The following LSAMP variants were observed in gnomAD, a reference collection of about 807,000 sequenced individuals.
LSAMP encodes the protein limbic system associated membrane protein.
In LSAMP, 7 loss-of-function variants were observed where a neutral mutation model predicts 38.6. The ratio of observed to expected loss-of-function variants is 0.18; its 90% CI spans 0.10 to 0.34. LSAMP has a LOEUF of 0.34. Among genes scored for constraint, LSAMP ranks in the 10% least tolerant of loss-of-function variants. The probability of loss-of-function intolerance (pLI) is 1.00; values close to 1 mark genes in which losing one functional copy is unlikely to be tolerated. For missense variants in LSAMP, 313 were observed against 420.0 expected (o/e 0.75, Z 2.23); for synonymous variants, 154 against 166.8 (o/e 0.92, Z 0.59).
intron 1 of LSAMP, among the ~76,000 whole-genome samples, chr3:116,183,610 T>C (rs1429318375): frequency 6.6e-6 from 1 of 151,838 alleles, no homozygotes; most frequent in African/African-American, 2.4e-5. Context: ...ATAATGGTAG[T>C]ATTTACCTAA....
intron 6 of LSAMP, among the ~76,000 whole-genome samples, chr3:115,812,705 A>G (rs1364816414): frequency 6.6e-6 from 1 of 152,236 alleles, no homozygotes; most frequent in Non-Finnish European, 1.5e-5. Context: ...GGTTAGGCAG[A>G]AAATACTTGT....
intron 1 of LSAMP, among the ~76,000 whole-genome samples, chr3:116,197,250 T>A (rs1200531317): frequency 6.6e-6 from 1 of 152,108 alleles, no homozygotes; most frequent in Non-Finnish European, 1.5e-5. Context: ...CCAGAATAAG[T>A]TTAGGAGAGA....
At chr3:116,130,538 A>G (rs1704375752) in intron 1 of LSAMP, among the ~76,000 whole-genome samples, 1 of 152,184 alleles carries the variant, frequency 6.6e-6, no homozygotes, top group Admixed American at 6.5e-5. Flanking sequence ...CAGATCTGCA[A>G]TGAGAGATAC....
At chr3:115,849,715 AT>A (rs1191422059) in intron 4 of LSAMP, among the ~76,000 whole-genome samples, 1 of 152,214 alleles carries the variant, frequency 6.6e-6, no homozygotes, top group Non-Finnish European at 1.5e-5. Flanking sequence ...TGGTTCCATA[AT>A]TCAATCTGAG....
chr3:116,260,932 G>GGGAAA, intron 1 of LSAMP, among the ~76,000 whole-genome samples: 1 of 152,136 alleles, frequency 6.6e-6, no homozygotes. Context: ...AGCATCACCT[G>GGGAAA]GGAAAGGATG....
Position 116,074,844 on chromosome 3 carries a change from C to CTTTTTTTTTTTTTTTTT in LSAMP, c.388+11463_388+11479dup, listed in dbSNP as rs1161460100. On this transcript the variant is annotated intron_variant, in intron 2 of 6. Coordinates refer to ENST00000490035, the MANE Select transcript of LSAMP (RefSeq NM_002338.5). ...AAAGTTTAGTCATATTTTCTTTATTCTTTTTTTTTTTTTTTTTGAGATGAG... is the reference window on the plus strand; with the variant it reads ...AAAGTTTAGTCATATTTTCTTTATTCTTTTTTTTTTTTTTTTTTTTTTTTTTTTTTTTTTGAGATGAG... Among the ~76,000 whole-genome samples, 54 of 128,360 alleles carry CTTTTTTTTTTTTTTTTT rather than the reference C, an allele frequency of 4.2e-4. 1 individual carries two copies. Among genetic ancestry groups the CTTTTTTTTTTTTTTTTT allele is most frequent in the African/African-American group, 1.6e-3 (53 of 32,348 alleles). The allele number at this position is 128,360 out of a possible 152,430, so 84.2% of individuals were successfully genotyped here.
At chr3:115,929,513 C>T (rs981173908) in intron 3 of LSAMP, among the ~76,000 whole-genome samples, 1 of 152,032 alleles carries the variant, frequency 6.6e-6, no homozygotes. Flanking sequence ...AGACAAAAAA[C>T]TTTCTTGATC....
chr3:116,406,337 T>C (rs1277015954), intron 1 of LSAMP, among the ~76,000 whole-genome samples: 1 of 152,116 alleles, frequency 6.6e-6, no homozygotes, highest in East Asian at 1.9e-4. Context: ...TTAAAGTTTA[T>C]ACTACCCAGT....
At chr3:115,873,260 C>T (rs944370091) in intron 3 of LSAMP, among the ~76,000 whole-genome samples, 2 of 151,728 alleles carry the variant, frequency 1.3e-5, no homozygotes, top group Non-Finnish European at 1.5e-5. Flanking sequence ...ATCCCAGCTA[C>T]TCAGGAGGCT....
At chr3:115,867,317 G>A (rs186703792) in intron 3 of LSAMP, among the ~76,000 whole-genome samples, 2 of 151,918 alleles carry the variant, frequency 1.3e-5, no homozygotes, top group African/African-American at 4.8e-5. Context: ...AAATACTGTC[G>A]GTTTCTGGAA....
rs1559747859 is a variant in LSAMP at position 116,113,403 on chromosome 3, TA to T, written c.156-26848del. Among the ~76,000 whole-genome samples, 10 of 64,144 alleles carry T rather than the reference TA, an allele frequency of 1.6e-4. No individual in the cohort carries two copies. In the South Asian group the frequency reaches 2.1e-3, roughly 14 times the overall value. 42.1% of individuals were successfully genotyped at this position (64,144 alleles called of 152,430 possible). A position where few individuals can be genotyped will look rare whatever the true frequency, so the allele number is the denominator to read the frequency against. ...AAATTTTAGAAATATGTTTGCCCTA[TA>T]TATATATATATATATATTTTTTTTT... On this transcript the variant is annotated intron_variant, in intron 1 of 6. Transcript: ENST00000490035.
chr3:115,870,309 G>A (rs1015540366), intron 3 of LSAMP, among the ~76,000 whole-genome samples: 2 of 152,060 alleles, frequency 1.3e-5, no homozygotes, highest in African/African-American at 2.4e-5. Context: ...TTTTGATTGG[G>A]CTGTTGTGCT....
At chr3:116,021,768 G>T (rs1940644359) in intron 2 of LSAMP, among the ~76,000 whole-genome samples, 2 of 148,528 alleles carry the variant, frequency 1.3e-5, no homozygotes, top group African/African-American at 5.0e-5. Context: ...AAATCCCAGA[G>T]AATTACTACC....
intron 3 of LSAMP, among the ~76,000 whole-genome samples, chr3:115,902,230 A>G (rs1936893525): frequency 6.6e-6 from 1 of 152,090 alleles, no homozygotes; most frequent in Admixed American, 6.6e-5. Flanking sequence ...AGTATCATAT[A>G]TTACTATTAT....
intron 1 of LSAMP, among the ~76,000 whole-genome samples, chr3:116,095,508 A>G (rs1488413512): frequency 6.6e-6 from 1 of 152,236 alleles, no homozygotes; most frequent in East Asian, 1.9e-4. Flanking sequence ...GGACCACCCA[A>G]TTAAGTCCTG....
intron 1 of LSAMP, among the ~76,000 whole-genome samples, chr3:116,209,506 T>A (rs1294871280): frequency 6.6e-6 from 1 of 152,210 alleles, no homozygotes; most frequent in Non-Finnish European, 1.5e-5. Flanking sequence ...CCAGTCTTTT[T>A]GAATATGCTG....
chr3:116,346,380 A>G (rs1430626855), intron 1 of LSAMP, among the ~76,000 whole-genome samples: 2 of 151,044 alleles, frequency 1.3e-5, no homozygotes, highest in African/African-American at 4.9e-5. Flanking sequence ...CCAAGATGGA[A>G]TGCAGTGGTA....
At chr3:115,947,563 A>G (rs576691415) in intron 3 of LSAMP, among the ~76,000 whole-genome samples, 1 of 152,288 alleles carries the variant, frequency 6.6e-6, no homozygotes, top group South Asian at 2.1e-4. Flanking sequence ...GTTTCTGGTA[A>G]TGTTTTATTT....
chr3:116,134,294 A>G (rs760892635), intron 1 of LSAMP, among the ~76,000 whole-genome samples: 1 of 152,194 alleles, frequency 6.6e-6, no homozygotes, highest in Non-Finnish European at 1.5e-5. Flanking sequence ...ATAAAGCCCT[A>G]GTACACATGT....
Sources: gnomAD v4.1 joint callset for allele counts (sites outside exome capture counted in the v4.1 genomes callset) on GRCh38, gnomAD v4.1.1 for gene constraint, MANE v1.5 for transcripts, NCBI Gene and HGNC (gene_info 2026-07-23, HGNC 2026-07-21) for gene names.